Variants in SARDH observed in about 807,000 individuals in gnomAD.
SARDH encodes sarcosine dehydrogenase, also known as sarcosine dehydrogenase, mitochondrial.
A neutral mutation model predicts 109.1 loss-of-function variants in SARDH; 95 were observed. That is an observed-to-expected ratio of 0.87 (90% CI 0.74 to 1.03). The LOEUF (loss-of-function observed/expected upper bound fraction) is 1.03, where lower values mean the gene tolerates loss of function less well. Among genes scored for constraint, SARDH ranks in the 50% least tolerant of loss-of-function variants. The pLI, the probability that SARDH is intolerant of heterozygous loss-of-function variation, is 0.00. For synonymous variants in SARDH, 572 were observed against 534.8 expected, an observed-to-expected ratio of 1.07 and a Z score of -0.96; for missense variants, 1,267 against 1,287.8, an observed-to-expected ratio of 0.98 and a Z score of 0.25.
Position 133,733,999 on chromosome 9 carries a change from G to A in SARDH, c.175C>T (p.Pro59Ser), listed in dbSNP as rs377072769. The A allele has an allele frequency of 6.2e-7, 1 of 1,612,862 alleles. No homozygotes were observed. Among genetic ancestry groups the A allele is most frequent in the South Asian group, 1.1e-5 (1 of 91,036 alleles). Residue 59 changes from proline to serine, a missense_variant, in exon 2 of 21, where the codon CCA (proline) becomes TCA (serine). Physicochemically the swap from Pro to Ser is moderately conservative, Grantham distance 74 (BLOSUM62 -1). Transcript: ENST00000439388. ...GCCGTGCTGGGCAGGGGCCGGCTTG[G>A]GCCTTGGGCCACCACCGAGGTGCCC... ...GQGTSVVAQG[P>S]SRPLPSTANV...
chr9:133,663,402 T>C (rs1479922746), downstream of SARDH, among the ~76,000 whole-genome samples: 2 of 152,238 alleles, frequency 1.3e-5, no homozygotes, highest in African/African-American at 4.8e-5. Flanking sequence ...ATGGCCTTGG[T>C]CCCAGGCCTC....
chr9:133,733,181 C>T (rs1832746756), intron 2 of SARDH, among the ~76,000 whole-genome samples: 1 of 152,190 alleles, frequency 6.6e-6, no homozygotes, highest in Admixed American at 6.5e-5. Context: ...TGGGAGCCGG[C>T]TCGCATCAGC....
At chr9:133,676,893 C>G (rs987392700) in intron 17 of SARDH, among the ~76,000 whole-genome samples, 1 of 152,230 alleles carries the variant, frequency 6.6e-6, no homozygotes, top group East Asian at 1.9e-4. Flanking sequence ...AATCCCAGCA[C>G]TTTGGGAGGC....
chr9:133,729,386 G>A (rs1158078194), intron 6 of SARDH, among the ~76,000 whole-genome samples: 2 of 152,112 alleles, frequency 1.3e-5, no homozygotes, highest in Non-Finnish European at 2.9e-5. Context: ...CACCCTCTGA[G>A]ACAGGCACCC....
intron 16 of SARDH, among the ~76,000 whole-genome samples, chr9:133,688,935 C>A (rs1215998894): frequency 6.6e-6 from 1 of 152,224 alleles, no homozygotes; most frequent in Non-Finnish European, 1.5e-5. Flanking sequence ...CTACCGTGTG[C>A]CCCTGAGCAC....
chr9:133,699,429 C>T (rs1223456721), intron 13 of SARDH, among the ~76,000 whole-genome samples: 1 of 152,030 alleles, frequency 6.6e-6, no homozygotes, highest in Admixed American at 6.6e-5. Flanking sequence ...TTGCTTGAAC[C>T]CAGGAGGCGG....
At position 133,666,371 on chromosome 9, in the gene SARDH, A is replaced by C. The variant is rs930154325; in HGVS notation, c.2631+364T>G. ...CTGGCACCTCCTTCTAACCAAAAAA[A>C]GCCTGGAATCACCAAAGTCGGATTC... On this transcript the variant is annotated intron_variant, in intron 20 of 20. Coordinates refer to ENST00000439388, the MANE Select transcript of SARDH (RefSeq NM_001134707.2). This position sits in a 1 kb window ranked among gnomAD's most constrained non-coding sequence, Gnocchi z 5.2. 6.6e-6 allele frequency among the ~76,000 whole-genome samples: 1 copy of C among 152,176 alleles called. No homozygotes were observed. Among genetic ancestry groups the C allele is most frequent in the Non-Finnish European group, 1.5e-5 (1 of 68,016 alleles).
chr9:133,717,910 T>C (rs141886150), intron 7 of SARDH, among the ~76,000 whole-genome samples: 2 of 152,298 alleles, frequency 1.3e-5, no homozygotes, highest in East Asian at 3.9e-4. Flanking sequence ...CGCTGGTTTG[T>C]TGTCGCGGTG....
chr9:133,691,174 AC>A (rs1200828096), intron 15 of SARDH, among the ~76,000 whole-genome samples: 23 of 123,458 alleles, frequency 1.9e-4, no homozygotes, highest in African/African-American at 8.2e-4. Context: ...CCCCCAACAC[AC>A]ACACACACAC....
chr9:133,663,507 C>T (rs1046818511), downstream of SARDH: 8 of 259,474 alleles, frequency 3.1e-5, no homozygotes, highest in South Asian at 1.3e-4. Flanking sequence ...CAGGGAAGCC[C>T]GCCACCGATC....
intron 19 of SARDH, among the ~76,000 whole-genome samples, chr9:133,667,285 G>A (rs1406457754): frequency 1.4e-5 from 2 of 145,150 alleles, no homozygotes; most frequent in African/African-American, 5.2e-5. Context: ...TCCTGCCTCA[G>A]CCTCCGGAGT....
chr9:133,660,179 T>A (rs571150687), downstream of SARDH, among the ~76,000 whole-genome samples: 2 of 151,288 alleles, frequency 1.3e-5, no homozygotes, highest in South Asian at 4.2e-4. Context: ...TACACCCAGA[T>A]AAGCGTAACC....
intron 20 of SARDH, 89 bp from the exon 21 acceptor site, chr9:133,664,103 T>C (rs780564477): frequency 4.3e-5 from 66 of 1,527,034 alleles, no homozygotes; most frequent in Non-Finnish European, 5.8e-5. Context: ...GGGGTCTTGG[T>C]CTTGCTACCT....
intron 12 of SARDH, 62 bp from the exon 13 acceptor site, chr9:133,703,091 G>T: frequency 7.0e-7 from 1 of 1,435,510 alleles, no homozygotes; most frequent in Non-Finnish European, 9.6e-7. Flanking sequence ...TCCCTCCCCA[G>T]AGCGGGGTCC....
In SARDH at chr9:133,712,647, C is replaced by G. The variant is rs375011055; in HGVS notation, c.1300G>C (p.Glu434Gln). Residue 434 changes from glutamate to glutamine, a missense_variant, in exon 10 of 21, where the codon GAG becomes CAG. Transcript: ENST00000439388. The surrounding 1 kb of genome is among the most constrained non-coding windows in gnomAD (Gnocchi z 4.1). ...ATGTCATAGCCATGCATGTCCTTCTCCGGGCGCCCATGGATGATCCAGTGG... is the reference window on the plus strand; with the variant it reads ...ATGTCATAGCCATGCATGTCCTTCTGCGGGCGCCCATGGATGATCCAGTGG... ...LAHWIIHGRP[E>Q]KDMHGYDIRR... 1 of 1,610,458 alleles carries G rather than the reference C, an allele frequency of 6.2e-7. No individual in the cohort carries two copies.
chr9:133,692,113 C>T lies in SARDH; in HGVS notation c.1922-1586G>A, dbSNP rs762095948. On this transcript the variant is annotated intron_variant, in intron 15 of 20. Coordinates refer to ENST00000439388, the MANE Select transcript of SARDH (RefSeq NM_001134707.2). The surrounding 1 kb of genome is among the most constrained non-coding windows in gnomAD (Gnocchi z 5.0). ...GGGAAACTGAGGCTCAGGGAGGCTG[C>T]TCCCCAGCCCTCCCAGCACCCCCAG... Among the ~76,000 whole-genome samples, 1 of 152,096 alleles carries T rather than the reference C, an allele frequency of 6.6e-6. No individual in the cohort carries two copies. The highest frequency in any genetic ancestry group is 1.5e-5 in the Non-Finnish European group (1 of 67,994).
chr9:133,732,833 C>T (rs1423140136), intron 2 of SARDH, among the ~76,000 whole-genome samples: 1 of 152,176 alleles, frequency 6.6e-6, no homozygotes, highest in African/African-American at 2.4e-5. Context: ...ATAGCAAAGG[C>T]CCCCATTTTT....
In SARDH at chr9:133,696,349, A is replaced by G. The variant is rs1261071244; in HGVS notation, c.1681T>C (p.Cys561Arg). 1.2e-6 allele frequency: 2 copies of G among 1,613,806 alleles called. No homozygotes were observed. The highest frequency in any genetic ancestry group is 1.7e-6 in the Non-Finnish European group (2 of 1,180,024). ...GCGGCGGCCCCTCTGCAGGCCAGGCACTCCTTCTTGATCTGAAAAGTTCCA... is the reference window on the plus strand; with the variant it reads ...GCGGCGGCCCCTCTGCAGGCCAGGCGCTCCTTCTTGATCTGAAAAGTTCCA... ...PPHHDTIKKE[C>R]LACRGAAAVF... is the part of the protein sequence containing the mutation. Residue 561 changes from cysteine to arginine, a missense_variant, in exon 14 of 21, where the codon TGC becomes CGC. Transcript: ENST00000439388.
At chr9:133,687,180 C>T (rs182265379) in intron 16 of SARDH, among the ~76,000 whole-genome samples, 120 of 152,368 alleles carry the variant, frequency 7.9e-4, no homozygotes, top group African/African-American at 2.8e-3. Flanking sequence ...GCACACAAAG[C>T]CCCTGGTGCT....
Sources: gnomAD v4.1 joint callset for allele counts (sites outside exome capture counted in the v4.1 genomes callset) on GRCh38, gnomAD v4.1.1 for gene constraint, Gnocchi (gnomAD v3.1) non-coding constraint, MANE v1.5 for transcripts, NCBI Gene and HGNC (gene_info 2026-07-23, HGNC 2026-07-21) for gene names.